The following TMCO4 variants were observed in gnomAD, a reference collection of about 807,000 sequenced individuals.
The protein encoded by TMCO4 is transmembrane and coiled-coil domains 4, also known as transmembrane and coiled-coil domain-containing protein 4.
In TMCO4, 58 loss-of-function variants were observed where a neutral mutation model predicts 64.7. The ratio of observed to expected loss-of-function variants is 0.90; its 90% CI spans 0.73 to 1.12. TMCO4 has a LOEUF of 1.12. TMCO4 is among the 50% of genes most tolerant of loss of function. The pLI is 0.00. For missense variants in TMCO4, 780 were observed against 825.9 expected, an observed-to-expected ratio of 0.94 and a Z score of 0.68; for synonymous variants, 325 against 346.1, an observed-to-expected ratio of 0.94 and a Z score of 0.68.
chr1:19,762,570 A>G (rs1473687), intron 6 of TMCO4, among the ~76,000 whole-genome samples: 14,838 of 152,268 alleles, frequency 0.097, 866 homozygotes, highest in Non-Finnish European at 0.13. Context: ...GCATTTCTCA[A>G]TACAGAAGCA....
At chr1:19,700,984 ACACATG>A (rs1214396979) in intron 13 of TMCO4, 99 bp from the exon 14 acceptor site, 1 of 862,590 alleles carries the variant, frequency 1.2e-6, no homozygotes, top group East Asian at 2.5e-5. Context: ...TCACACACAT[ACACATG>A]CACACACGTG....
intron 15 of TMCO4, among the ~76,000 whole-genome samples, chr1:19,690,355 C>T (rs938623547): frequency 1.3e-5 from 2 of 152,190 alleles, no homozygotes; most frequent in African/African-American, 2.4e-5. Flanking sequence ...TCTATTGGGC[C>T]GTCAATGGTG....
intron 3 of TMCO4, among the ~76,000 whole-genome samples, chr1:19,786,510 A>T (rs10917537): frequency 0.9 from 136,874 of 152,232 alleles, 61,636 homozygotes; most frequent in African/African-American, 0.93. Flanking sequence ...GAAACACTTT[A>T]GAAGAACCAA....
At chr1:19,781,669 T>C (rs544045459) in intron 3 of TMCO4, among the ~76,000 whole-genome samples, 1 of 148,746 alleles carries the variant, frequency 6.7e-6, no homozygotes, top group South Asian at 2.1e-4. Context: ...TCTTTTGAGA[T>C]GGAGTCTCGC....
intron 6 of TMCO4, among the ~76,000 whole-genome samples, chr1:19,768,789 A>G (rs1338795043): frequency 6.6e-6 from 1 of 152,120 alleles, no homozygotes. Flanking sequence ...AATTGCCTGG[A>G]TTCCACGCAG....
At chr1:19,710,489 T>C (rs1271809815) in intron 13 of TMCO4, among the ~76,000 whole-genome samples, 1 of 152,168 alleles carries the variant, frequency 6.6e-6, no homozygotes, top group Non-Finnish European at 1.5e-5. Context: ...CAGGACTAAG[T>C]GCTTCATACA....
At chr1:19,704,128 G>C (rs2095289847) in intron 13 of TMCO4, among the ~76,000 whole-genome samples, 1 of 152,324 alleles carries the variant, frequency 6.6e-6, no homozygotes, top group South Asian at 2.1e-4. Context: ...GTAGTACCAA[G>C]CTCTCTGAGT....
intron 13 of TMCO4, among the ~76,000 whole-genome samples, chr1:19,709,319 T>G (rs2095318886): frequency 6.6e-6 from 1 of 151,590 alleles, no homozygotes; most frequent in African/African-American, 2.4e-5. Flanking sequence ...TAATCTGCAC[T>G]GCCTGACCTC....
At chr1:19,751,226 G>A (rs1005178237) in intron 7 of TMCO4, among the ~76,000 whole-genome samples, 3 of 152,288 alleles carry the variant, frequency 2.0e-5, no homozygotes. Context: ...TGACCACCTT[G>A]CTGCGGTGAT....
At chr1:19,754,149 T>G (rs1372632145) in intron 7 of TMCO4, among the ~76,000 whole-genome samples, 4 of 152,230 alleles carry the variant, frequency 2.6e-5, no homozygotes, top group Non-Finnish European at 5.9e-5. Flanking sequence ...TGGCCTGTAT[T>G]AGACCTTCTG....
chr1:19,753,130 T>G (rs2042092732), intron 7 of TMCO4, among the ~76,000 whole-genome samples: 1 of 152,024 alleles, frequency 6.6e-6, no homozygotes, highest in Non-Finnish European at 1.5e-5. Flanking sequence ...CAGCTAATTT[T>G]TGTATTTTTA....
rs984649517 is a variant in TMCO4, at chr1:19,719,708, T to A, written c.1264+17664A>T. ...CATGTCTGGCTAATTAAAAAAAAAA[T>A]TTTGGCTGGGTGCAGTGGCTCACAC... On this transcript the variant is annotated intron_variant, in intron 13 of 15. Transcript: ENST00000294543. 5.3e-5 allele frequency among the ~76,000 whole-genome samples: 8 copies of A among 151,838 alleles called. No individual in the cohort carries two copies. The East Asian group carries it at 7.8e-4, about 15-fold the overall frequency.
intron 13 of TMCO4, among the ~76,000 whole-genome samples, chr1:19,709,996 G>A (rs927174506): frequency 1.3e-5 from 2 of 151,814 alleles, no homozygotes; most frequent in African/African-American, 2.4e-5. Context: ...GGTCAGGCTG[G>A]TCTTGAATTC....
At chr1:19,770,767 G>A (rs1435833996) in intron 5 of TMCO4, among the ~76,000 whole-genome samples, 198 bp from the exon 6 acceptor site, 1 of 152,184 alleles carries the variant, frequency 6.6e-6, no homozygotes, top group Non-Finnish European at 1.5e-5. Flanking sequence ...GAGATAAGGA[G>A]GGGAAGGGGC....
chr1:19,735,966 G>A (rs973248912), intron 13 of TMCO4, among the ~76,000 whole-genome samples: 3 of 152,140 alleles, frequency 2.0e-5, no homozygotes, highest in Non-Finnish European at 2.9e-5. Flanking sequence ...TGCATTGGCC[G>A]ACAACCAGCA....
At chr1:19,704,704 A>T (rs1458095834) in intron 13 of TMCO4, among the ~76,000 whole-genome samples, 1 of 152,312 alleles carries the variant, frequency 6.6e-6, no homozygotes, top group African/African-American at 2.4e-5. Flanking sequence ...GGCTGCCTGC[A>T]GGGCTGGGAC....
At chr1:19,700,401 G>A (rs2100611908) in intron 14 of TMCO4, among the ~76,000 whole-genome samples, 1 of 152,246 alleles carries the variant, frequency 6.6e-6, no homozygotes, top group South Asian at 2.1e-4. Context: ...CTCAGACCTT[G>A]TTCAAACACC....
At position 19,734,181 on chromosome 1, in the gene TMCO4, A is replaced by G. The variant is rs983326476; in HGVS notation, c.1264+3191T>C. Among the ~76,000 whole-genome samples the G allele has an allele frequency of 6.6e-6, 1 of 152,116 alleles. No individual in the cohort carries two copies. Among genetic ancestry groups the G allele is most frequent in the Admixed American group, 6.5e-5 (1 of 15,280 alleles). ...GACCAAGAGGGAACAATGGAAATAG[A>G]GCTTGGTCTGCTGGAGCCCGGCATG... On this transcript the variant is annotated intron_variant, in intron 13 of 15. Transcript: ENST00000294543. This position sits in a 1 kb window ranked among gnomAD's most constrained non-coding sequence, Gnocchi z 4.4.
chr1:19,696,287 C>T (rs967790409), intron 14 of TMCO4, among the ~76,000 whole-genome samples: 1 of 152,178 alleles, frequency 6.6e-6, no homozygotes, highest in Non-Finnish European at 1.5e-5. Flanking sequence ...CGGTGGCTCA[C>T]GCCTGTAATC....
Sources: allele counts gnomAD v4.1 joint callset (sites outside exome capture counted in the v4.1 genomes callset), GRCh38; gene constraint gnomAD v4.1.1; non-coding constraint Gnocchi (gnomAD v3.1); transcripts MANE v1.5; gene names NCBI Gene and HGNC (gene_info 2026-07-23, HGNC 2026-07-21).